Variants in TNKS observed in about 807,000 individuals in gnomAD.
TNKS encodes tankyrase, also known as poly [ADP-ribose] polymerase tankyrase-1.
In TNKS, 72 loss-of-function variants were observed where a neutral mutation model predicts 135.8. The observed-to-expected ratio is 0.53, with a 90% CI of 0.44 to 0.64. The LOEUF is 0.64. Among genes scored for constraint, TNKS ranks in the 30% least tolerant of loss-of-function variants. The pLI is 0.00. For synonymous variants in TNKS, 849 were observed against 649.3 expected, an observed-to-expected ratio of 1.31 and a Z score of -4.68; for missense variants, 1,769 against 1,674.0, an observed-to-expected ratio of 1.06 and a Z score of -0.99.
chr8:9,687,128 C>T (rs1287832676), intron 5 of TNKS, among the ~76,000 whole-genome samples: 1 of 152,106 alleles, frequency 6.6e-6, no homozygotes, highest in Admixed American at 6.6e-5. Context: ...ATCTGGCTCT[C>T]TATGGCCTAT....
intron 3 of TNKS, among the ~76,000 whole-genome samples, chr8:9,663,747 A>C (rs922215358): frequency 3.3e-5 from 5 of 152,184 alleles, no homozygotes; most frequent in Non-Finnish European, 5.9e-5. Context: ...AGTTTATTAT[A>C]AAGGAATTAC....
chr8:9,638,974 G>A (rs1326249434), intron 3 of TNKS, among the ~76,000 whole-genome samples: 1 of 152,096 alleles, frequency 6.6e-6, no homozygotes, highest in African/African-American at 2.4e-5. Flanking sequence ...AGTGAGGATG[G>A]GGGTGTCTTG....
rs749159279 is a variant in TNKS at position 9,748,137 on chromosome 8, C to T, written c.2757C>T (p.Cys919=). 6.8e-6 allele frequency: 11 copies of T among 1,613,966 alleles called. No homozygotes were observed. The highest frequency in any genetic ancestry group is 5.5e-5 in the South Asian group (5 of 91,068). Residue 919 remains cysteine (C), a synonymous_variant, in exon 18 of 27, where the codon TGC becomes TGT. Coordinates refer to ENST00000310430, the MANE Select transcript of TNKS (RefSeq NM_003747.3). ...CCCAGAAAGGAAGGACGCAGCTGTG[C>T]GCCCTCCTCCTAGCGCATGGTGCAG... ...EAAQKGRTQL[C]ALLLAHGADP...
chr8:9,620,672 C>A (rs1185414485), intron 3 of TNKS, among the ~76,000 whole-genome samples: 3 of 152,114 alleles, frequency 2.0e-5, no homozygotes, highest in Non-Finnish European at 4.4e-5. Flanking sequence ...GCAGATGAAA[C>A]CTTATTCTGT....
chr8:9,563,635 T>A (rs1028513699), intron 1 of TNKS, among the ~76,000 whole-genome samples: 2 of 152,158 alleles, frequency 1.3e-5, no homozygotes, highest in Non-Finnish European at 2.9e-5. Flanking sequence ...TGAAATTATT[T>A]TTTCTTTTAT....
At position 9,628,839 on chromosome 8, in the gene TNKS, A is replaced by G. The variant is rs1053542909; in HGVS notation, c.994+13162A>G. Among the ~76,000 whole-genome samples, 3 of 152,028 alleles carry G rather than the reference A, an allele frequency of 2.0e-5. No individual in the cohort carries two copies. The East Asian group carries it at 5.8e-4, about 29-fold the overall frequency. On this transcript the variant is annotated intron_variant, in intron 3 of 26. Coordinates refer to ENST00000310430, the MANE Select transcript of TNKS (RefSeq NM_003747.3). Reference sequence around the variant, plus strand: ...TAACATGGCCAACACAGAATTCTTTATCTCCCTATCCAACCCTATTGCCAT... The same window carrying G: ...TAACATGGCCAACACAGAATTCTTTGTCTCCCTATCCAACCCTATTGCCAT...
chr8:9,562,674 G>A (rs1797382383), intron 1 of TNKS, among the ~76,000 whole-genome samples: 1 of 152,066 alleles, frequency 6.6e-6, no homozygotes, highest in African/African-American at 2.4e-5. Flanking sequence ...TTCAAACTCA[G>A]AACTATAGGG....
chr8:9,587,062 G>A (rs1046730761), intron 2 of TNKS, among the ~76,000 whole-genome samples: 1 of 152,082 alleles, frequency 6.6e-6, no homozygotes, highest in African/African-American at 2.4e-5. Context: ...TTAATTCCTG[G>A]AACCTGGGAA....
intron 2 of TNKS, among the ~76,000 whole-genome samples, chr8:9,583,172 A>G (rs1215955073): frequency 6.6e-6 from 1 of 151,850 alleles, no homozygotes; most frequent in African/African-American, 2.4e-5. Flanking sequence ...CTCAAAAAAA[A>G]AAAAAAAAAA....
Position 9,683,610 on chromosome 8 carries a change from G to T in TNKS, c.1107+2810G>T, listed in dbSNP as rs563203587. 9.2e-5 allele frequency among the ~76,000 whole-genome samples: 14 copies of T among 151,868 alleles called. No individual in the cohort carries two copies. In the South Asian group the frequency reaches 2.7e-3, roughly 29 times the overall value. On this transcript the variant is annotated intron_variant, in intron 5 of 26. Coordinates refer to ENST00000310430, the MANE Select transcript of TNKS (RefSeq NM_003747.3). ...TTAATTTTGAAATGTTTTTGGAAAA[G>T]AAATGTCTCTTATACAGTGGTTAGT...
intron 12 of TNKS, among the ~76,000 whole-genome samples, chr8:9,723,704 C>A (rs1240226608): frequency 6.6e-6 from 1 of 152,178 alleles, no homozygotes; most frequent in Non-Finnish European, 1.5e-5. Context: ...AATGGAAAAT[C>A]TTTCCATTAG....
Position 9,645,893 on chromosome 8 carries a change from A to G in TNKS, c.994+30216A>G, listed in dbSNP as rs140109660. 5.9e-3 allele frequency among the ~76,000 whole-genome samples: 900 copies of G among 152,316 alleles called. 10 individuals are homozygous for G. Among genetic ancestry groups the G allele is most frequent in the African/African-American group, 0.02 (841 of 41,572 alleles). ...CATAGTTATCTTTTCTTTAACAGCC[A>G]TATTTAAATTCACATTGTTTCTCTG... is the stretch of plus-strand genomic sequence containing the variant. On this transcript the variant is annotated intron_variant, in intron 3 of 26. Transcript: ENST00000310430.
intron 25 of TNKS, among the ~76,000 whole-genome samples, chr8:9,767,899 C>T (rs1264251080): frequency 7.0e-6 from 1 of 143,776 alleles, no homozygotes; most frequent in East Asian, 2.1e-4. Flanking sequence ...GCGGAGGTTG[C>T]AGTGAGCCGA....
intron 5 of TNKS, among the ~76,000 whole-genome samples, chr8:9,692,535 G>C (rs1219258690): frequency 6.6e-6 from 1 of 152,212 alleles, no homozygotes; most frequent in Non-Finnish European, 1.5e-5. Flanking sequence ...TCTGTCGTTA[G>C]ATGCGTTTAG....
At chr8:9,675,663 G>C (rs957166767) in intron 3 of TNKS, among the ~76,000 whole-genome samples, 26 of 152,174 alleles carry the variant, frequency 1.7e-4, no homozygotes, top group African/African-American at 5.8e-4. Flanking sequence ...GCTAATAATT[G>C]TCATTATTTT....
intron 5 of TNKS, among the ~76,000 whole-genome samples, chr8:9,690,217 A>G (rs927850563): frequency 9.9e-5 from 15 of 152,190 alleles, no homozygotes; most frequent in African/African-American, 3.6e-4. Flanking sequence ...ACACGTTTTA[A>G]TTCTTCTGCT....
At chr8:9,680,185 A>C (rs1202510457) in intron 4 of TNKS, among the ~76,000 whole-genome samples, 198 bp downstream of exon 4, 1 of 152,190 alleles carries the variant, frequency 6.6e-6, no homozygotes, top group Non-Finnish European at 1.5e-5. Context: ...TTATAAGGTT[A>C]ATTTTATTTG....
chr8:9,663,729 T>G (rs11780274), intron 3 of TNKS, among the ~76,000 whole-genome samples: 15,272 of 152,216 alleles, frequency 0.1, 1,087 homozygotes, highest in East Asian at 0.22. Flanking sequence ...CAGGAAGATA[T>G]GTTTACCAGT....
rs1304294673 is a variant in TNKS, at chr8:9,733,321, T to C, written c.2190T>C (p.Tyr730=). Residue 730 remains tyrosine (Y), a synonymous_variant, in exon 15 of 27, where the codon TAT becomes TAC. Coordinates refer to ENST00000310430, the MANE Select transcript of TNKS (RefSeq NM_003747.3). ...ATAATGCCTGTTCATATGGACACTA[T>C]GAGGTGGCTGAGCTTTTAGTAAGGC... ...PLHNACSYGH[Y]EVAELLVRHG... is the part of the protein sequence containing the mutation. 1.9e-6 allele frequency: 3 copies of C among 1,604,910 alleles called. No homozygotes were observed. Among genetic ancestry groups the C allele is most frequent in the Admixed American group, 1.7e-5 (1 of 57,804 alleles).
Sources: gnomAD v4.1 joint callset for allele counts (sites outside exome capture counted in the v4.1 genomes callset) on GRCh38, gnomAD v4.1.1 for gene constraint, MANE v1.5 for transcripts, NCBI Gene and HGNC (gene_info 2026-07-23, HGNC 2026-07-21) for gene names.